The following SGMS1 variants were observed in gnomAD, a reference collection of about 807,000 sequenced individuals.
SGMS1 encodes the protein sphingomyelin synthase 1.
In SGMS1, 13 loss-of-function variants were observed where a neutral mutation model predicts 46.2. That is an observed-to-expected ratio of 0.28 (90% CI 0.18 to 0.45). SGMS1 has a LOEUF of 0.45. Among genes scored for constraint, SGMS1 ranks in the 20% least tolerant of loss-of-function variants. SGMS1 has a pLI of 1.00. For missense variants in SGMS1, 324 were observed against 519.9 expected (o/e 0.62, Z 3.66); for synonymous variants, 203 against 187.8 (o/e 1.08, Z -0.66).
At chr10:50,455,869 T>G (rs1837184845) in intron 5 of SGMS1, among the ~76,000 whole-genome samples, 1 of 152,198 alleles carries the variant, frequency 6.6e-6, no homozygotes. Context: ...CACCACTCAC[T>G]GCTCTGATCA....
At chr10:50,471,917 C>A (rs1837381955) in intron 3 of SGMS1, among the ~76,000 whole-genome samples, 1 of 152,150 alleles carries the variant, frequency 6.6e-6, no homozygotes, top group African/African-American at 2.4e-5. Context: ...GGGCAAGAGC[C>A]ACATTATCTC....
intron 1 of SGMS1, among the ~76,000 whole-genome samples, chr10:50,597,748 C>G (rs1255714677): frequency 6.6e-6 from 1 of 152,062 alleles, no homozygotes; most frequent in African/African-American, 2.4e-5. Context: ...CGTGGTGGCT[C>G]ACATCTGTAA....
intron 4 of SGMS1, among the ~76,000 whole-genome samples, chr10:50,462,131 G>A (rs1446213282): frequency 6.6e-6 from 1 of 152,094 alleles, no homozygotes; most frequent in African/African-American, 2.4e-5. Context: ...GCACAGTGGT[G>A]TGTGCCTGTA....
upstream of SGMS1, chr10:50,623,988 G>T: frequency 1.0e-6 from 1 of 985,422 alleles, no homozygotes; most frequent in Non-Finnish European, 1.2e-6. Flanking sequence ...GCCCGAGCCG[G>T]CCCGGCTTCC....
intron 5 of SGMS1, among the ~76,000 whole-genome samples, chr10:50,440,750 C>T (rs1849535057): frequency 6.6e-6 from 1 of 152,120 alleles, no homozygotes; most frequent in Non-Finnish European, 1.5e-5. Flanking sequence ...GCTGGGACTA[C>T]AGGTGCATAC....
At chr10:50,598,917 A>C (rs1436111171) in intron 1 of SGMS1, among the ~76,000 whole-genome samples, 1 of 152,238 alleles carries the variant, frequency 6.6e-6, no homozygotes, top group African/African-American at 2.4e-5. Flanking sequence ...CAGGAAAAAA[A>C]AATAGTATAC....
intron 2 of SGMS1, among the ~76,000 whole-genome samples, chr10:50,568,922 G>A (rs1284551594): frequency 6.6e-6 from 1 of 152,060 alleles, no homozygotes; most frequent in Non-Finnish European, 1.5e-5. Context: ...TGACAGGCTG[G>A]ATAAAGAAAA....
intron 2 of SGMS1, among the ~76,000 whole-genome samples, chr10:50,544,521 G>T (rs1050327528): frequency 2.6e-5 from 4 of 152,006 alleles, no homozygotes; most frequent in Non-Finnish European, 4.4e-5. Flanking sequence ...GAGTTTTTTT[G>T]ATCACATTCT....
intron 6 of SGMS1, among the ~76,000 whole-genome samples, chr10:50,382,822 T>C (rs572602598): frequency 1.4e-4 from 22 of 152,314 alleles, no homozygotes; most frequent in African/African-American, 5.1e-4. Flanking sequence ...CTTCTAGTTT[T>C]ATCAAATGGC....
intron 1 of SGMS1, among the ~76,000 whole-genome samples, chr10:50,592,285 A>G (rs28438372): frequency 0.033 from 5,018 of 152,318 alleles, 294 homozygotes; most frequent in African/African-American, 0.11. Flanking sequence ...AATAATTTAA[A>G]AGTTGTTAAC....
chr10:50,381,371 C>G (rs914453714), intron 6 of SGMS1, among the ~76,000 whole-genome samples: 2 of 151,934 alleles, frequency 1.3e-5, no homozygotes, highest in Admixed American at 6.6e-5. Flanking sequence ...GGAGCACTGC[C>G]TACACAAAAG....
chr10:50,408,421 C>G (rs1444802173), intron 6 of SGMS1, among the ~76,000 whole-genome samples: 1 of 137,662 alleles, frequency 7.3e-6, no homozygotes, highest in African/African-American at 2.7e-5. Context: ...TATACTGAGA[C>G]CTCATCTCTT....
chr10:50,358,374 C>CAGATAAAGTTCAGATAAAAGCTTCAGTAA (rs1386355976), intron 6 of SGMS1, among the ~76,000 whole-genome samples: 3 of 152,148 alleles, frequency 2.0e-5, no homozygotes, highest in African/African-American at 7.2e-5. Context: ...GTAAAAGCTT[C>CAGATAAAGTTCAGATAAAAGCTTCAGTAA]AAGTTCAGAT....
chr10:50,473,813 CCACAAG>C (rs1460648063), intron 3 of SGMS1: 2 of 152,206 alleles, frequency 1.3e-5, no homozygotes, highest in Non-Finnish European at 2.9e-5. Context: ...TGACACAACT[CCACAAG>C]CACACAGCCA....
At chr10:50,502,499 C>T (rs955513222) in intron 3 of SGMS1, among the ~76,000 whole-genome samples, 2 of 152,110 alleles carry the variant, frequency 1.3e-5, no homozygotes, top group Non-Finnish European at 2.9e-5. Context: ...CTACCCTTCT[C>T]TCTATCTGGA....
At chr10:50,548,608 T>C (rs1838121836) in intron 2 of SGMS1, among the ~76,000 whole-genome samples, 1 of 152,154 alleles carries the variant, frequency 6.6e-6, no homozygotes, top group Non-Finnish European at 1.5e-5. Flanking sequence ...ATAAAATCCC[T>C]AGAAGAAAGT....
chr10:50,476,990 C>A (rs1319837905), intron 3 of SGMS1, among the ~76,000 whole-genome samples: 1 of 152,232 alleles, frequency 6.6e-6, no homozygotes, highest in Non-Finnish European at 1.5e-5. Flanking sequence ...AGGGTTGGAG[C>A]CCCCACACAG....
At chr10:50,407,649 T>C (rs573963794) in intron 6 of SGMS1, among the ~76,000 whole-genome samples, 12 of 152,218 alleles carry the variant, frequency 7.9e-5, no homozygotes, top group South Asian at 6.2e-4. Flanking sequence ...GGCTTTTTTT[T>C]CCCCCTGCTA....
chr10:50,473,486 C>A (rs1055348440), intron 3 of SGMS1, among the ~76,000 whole-genome samples: 1 of 152,080 alleles, frequency 6.6e-6, no homozygotes, highest in African/African-American at 2.4e-5. Flanking sequence ...TTGTCAAAAC[C>A]AAGCTATCAT....
Sources: allele counts gnomAD v4.1 joint callset (sites outside exome capture counted in the v4.1 genomes callset), GRCh38; gene constraint gnomAD v4.1.1; transcripts MANE v1.5; gene names NCBI Gene and HGNC (gene_info 2026-07-23, HGNC 2026-07-21).